NSG1: variants seen among roughly 807,000 people sequenced by gnomAD.
NSG1 encodes the protein neuronal vesicle trafficking associated 1.
In NSG1, 9 loss-of-function variants were observed where a neutral mutation model predicts 19.3. That is an observed-to-expected ratio of 0.47 (90% CI 0.28 to 0.81). The LOEUF is 0.81. Among genes scored for constraint, NSG1 ranks in the 40% least tolerant of loss-of-function variants. NSG1 has a pLI of 0.11. For missense variants in NSG1, 236 were observed against 242.4 expected (o/e 0.97, Z 0.18); for synonymous variants, 104 against 107.0 (o/e 0.97, Z 0.17).
intron 3 of NSG1, among the ~76,000 whole-genome samples, chr4:4,397,399 A>G (rs904997004): frequency 1.3e-5 from 2 of 152,210 alleles, no homozygotes; most frequent in African/African-American, 4.8e-5. Flanking sequence ...GTTAAGGAAC[A>G]GACCCAAGGT....
In NSG1 at chr4:4,409,697, T is replaced by A; in HGVS notation, c.357+14T>A. 6.2e-7 allele frequency: 1 copy of A among 1,605,474 alleles called. No individual in the cohort carries two copies. The highest frequency in any genetic ancestry group is 8.5e-7 in the Non-Finnish European group (1 of 1,172,136). ...TTCGTCCTCAAGGTAAAACTCCGTT[T>A]TCCCCCAGAGGCCCTGGGACGCCTT... is the stretch of plus-strand genomic sequence containing the variant. On this transcript the variant is annotated intron_variant, in intron 4 of 4. Transcript: ENST00000621129.
At chr4:4,412,649 C>T (rs971446735) in intron 4 of NSG1, among the ~76,000 whole-genome samples, 2 of 152,200 alleles carry the variant, frequency 1.3e-5, no homozygotes, top group African/African-American at 2.4e-5. Context: ...CACACACCAA[C>T]GCTAGGCAGC....
intron 4 of NSG1, among the ~76,000 whole-genome samples, chr4:4,415,458 G>A (rs1375842582): frequency 6.6e-6 from 1 of 152,132 alleles, no homozygotes; most frequent in Non-Finnish European, 1.5e-5. Flanking sequence ...ATGGGTATGG[G>A]GGGCGGCAGG....
intron 3 of NSG1, among the ~76,000 whole-genome samples, chr4:4,394,266 C>G (rs971290094): frequency 1.6e-4 from 24 of 152,164 alleles, no homozygotes; most frequent in African/African-American, 5.6e-4. Flanking sequence ...GATTCAAAAC[C>G]CTTGCTCTGC....
intron 3 of NSG1, among the ~76,000 whole-genome samples, chr4:4,403,998 C>T (rs1013555755): frequency 2.0e-5 from 3 of 152,210 alleles, no homozygotes; most frequent in Admixed American, 6.5e-5. Context: ...GAGTTTTAAA[C>T]TTGCTATGCC....
chr4:4,414,033 A>C (rs1486343683), intron 4 of NSG1, among the ~76,000 whole-genome samples: 1 of 152,082 alleles, frequency 6.6e-6, no homozygotes, highest in Non-Finnish European at 1.5e-5. Flanking sequence ...GGGGGCCGGA[A>C]GTCCCCACCG....
chr4:4,414,390 C>G (rs909170978), intron 4 of NSG1, among the ~76,000 whole-genome samples: 3 of 151,912 alleles, frequency 2.0e-5, no homozygotes, highest in African/African-American at 4.8e-5. Flanking sequence ...GAGTGATGTC[C>G]TGTGGGACTT....
chr4:4,416,486 G>T (rs1577298927), intron 4 of NSG1, among the ~76,000 whole-genome samples: 1 of 152,192 alleles, frequency 6.6e-6, no homozygotes, highest in African/African-American at 2.4e-5. Flanking sequence ...TAAGCCCGTG[G>T]AGGTGAGCCA....
intron 3 of NSG1, among the ~76,000 whole-genome samples, chr4:4,406,108 A>G (rs1723839582): frequency 1.3e-5 from 2 of 151,890 alleles, no homozygotes; most frequent in South Asian, 4.2e-4. Context: ...GCTCACTGCA[A>G]CCTCCACCTC....
At chr4:4,403,640 T>A (rs1723689035) in intron 3 of NSG1, among the ~76,000 whole-genome samples, 1 of 152,150 alleles carries the variant, frequency 6.6e-6, no homozygotes, top group African/African-American at 2.4e-5. Flanking sequence ...CATATACATT[T>A]CCGGGAGTAG....
At chr4:4,402,210 A>ATTT (rs35986151) in intron 3 of NSG1, among the ~76,000 whole-genome samples, 1 of 140,454 alleles carries the variant, frequency 7.1e-6, no homozygotes, top group East Asian at 2.1e-4. Context: ...TTTTCCTTTG[A>ATTT]TTTTTTTTTT....
intron 3 of NSG1, among the ~76,000 whole-genome samples, chr4:4,396,655 A>G (rs988297059): frequency 2.2e-5 from 3 of 136,598 alleles, no homozygotes; most frequent in Non-Finnish European, 4.8e-5. Context: ...TTTTCTTCAC[A>G]TCCCTAATGA....
At chr4:4,410,155 G>A (rs1724096031) in intron 4 of NSG1, among the ~76,000 whole-genome samples, 1 of 152,188 alleles carries the variant, frequency 6.6e-6, no homozygotes, top group Non-Finnish European at 1.5e-5. Flanking sequence ...AGCAGGGCTG[G>A]GGGGCACACC....
intron 3 of NSG1, among the ~76,000 whole-genome samples, chr4:4,403,766 C>T (rs1723697513): frequency 6.6e-6 from 1 of 152,212 alleles, no homozygotes; most frequent in Non-Finnish European, 1.5e-5. Flanking sequence ...GTAATACTGC[C>T]TTGCAGGTGT....
At chr4:4,413,967 G>A (rs1003840286) in intron 4 of NSG1, among the ~76,000 whole-genome samples, 1 of 152,114 alleles carries the variant, frequency 6.6e-6, no homozygotes, top group Non-Finnish European at 1.5e-5. Flanking sequence ...AGGGAGCACG[G>A]GCAGGCCCAG....
intron 3 of NSG1, among the ~76,000 whole-genome samples, chr4:4,404,288 A>G (rs1452763810): frequency 1.3e-5 from 2 of 152,228 alleles, no homozygotes; most frequent in Non-Finnish European, 2.9e-5. Flanking sequence ...GGAGCCTGCA[A>G]CATTGTGTGG....
chr4:4,411,776 A>ACACAAC (rs1553819745), intron 4 of NSG1, among the ~76,000 whole-genome samples: 36 of 132,592 alleles, frequency 2.7e-4, no homozygotes, highest in African/African-American at 9.4e-4. Context: ...AACAAAACAA[A>ACACAAC]ACAAAACAAA....
At chr4:4,411,904 A>G (rs867397102) in intron 4 of NSG1, among the ~76,000 whole-genome samples, 1 of 152,180 alleles carries the variant, frequency 6.6e-6, no homozygotes, top group Non-Finnish European at 1.5e-5. Context: ...TAAAAAGTAT[A>G]GTACGGTAAC....
chr4:4,398,253 T>C (rs995724946), intron 3 of NSG1, among the ~76,000 whole-genome samples: 1 of 152,198 alleles, frequency 6.6e-6, no homozygotes, highest in Non-Finnish European at 1.5e-5. Context: ...ACGCCCGGCT[T>C]GGCCCATTCT....
Sources: gnomAD v4.1 joint callset for allele counts (sites outside exome capture counted in the v4.1 genomes callset) on GRCh38, gnomAD v4.1.1 for gene constraint, MANE v1.5 for transcripts, NCBI Gene and HGNC (gene_info 2026-07-23, HGNC 2026-07-21) for gene names.